METTL13: variants seen among roughly 807,000 people sequenced by gnomAD.
METTL13 encodes eEF1A lysine and N-terminal methyltransferase.
In METTL13, 52 loss-of-function variants were observed where a neutral mutation model predicts 67.4. That is an observed-to-expected ratio of 0.77 (90% CI 0.62 to 0.97). The LOEUF is 0.97. METTL13 is among the 50% of genes least tolerant of loss of function. METTL13 has a pLI of 0.00. For missense variants in METTL13, 825 were observed against 889.6 expected (o/e 0.93, Z 0.92); for synonymous variants, 354 against 353.6 (o/e 1.00, Z -0.01).
At chr1:171,786,162 A>C in intron 3 of METTL13, 84 bp downstream of exon 3, 1 of 1,397,088 alleles carries the variant, frequency 7.2e-7, no homozygotes, top group Non-Finnish European at 9.7e-7. Context: ...GGCAGGAGCT[A>C]GGACTAGAGT....
intron 4 of METTL13, 102 bp from the exon 5 acceptor site, chr1:171,790,350 G>A: frequency 7.8e-7 from 1 of 1,279,244 alleles, no homozygotes; most frequent in East Asian, 2.8e-5. Context: ...TTAACGATTG[G>A]GTCTTTTGAG....
intron 7 of METTL13, 55 bp downstream of exon 7, chr1:171,794,582 T>C (rs1657306484): frequency 6.8e-6 from 11 of 1,606,010 alleles, no homozygotes; most frequent in Non-Finnish European, 8.5e-6. Context: ...TAACAAAAAT[T>C]ATCTTTTTAA....
In METTL13 at chr1:171,794,454, A is replaced by G. The variant is rs770259925; in HGVS notation, c.1752A>G (p.Gly584=). The G allele has an allele frequency of 1.9e-6, 3 of 1,614,194 alleles. No individual in the cohort carries two copies. ...TTGACAGTAAGGACCCAACACTGGG[A>G]ATGAGTTGTCCGCCCCCAGCATTTG... is the stretch of plus-strand genomic sequence containing the variant. ...FDVDSKDPTL[G]MSCPPPAFVE... is the part of the protein sequence containing the mutation. The change falls in exon 7 of 8, where the codon GGA becomes GGG. Residue 584 remains glycine, a synonymous_variant. Transcript: ENST00000361735.
In METTL13 at chr1:171,790,476, G is replaced by A; in HGVS notation, c.1334G>A (p.Arg445Lys). 1 of 1,605,624 alleles carries A rather than the reference G, an allele frequency of 6.2e-7. No homozygotes were observed. Among genetic ancestry groups the A allele is most frequent in the South Asian group, 1.1e-5 (1 of 89,708 alleles). Reference protein sequence around the residue: ...HKAQKKRKKDRKKQRPADAED... With the variant: ...HKAQKKRKKDKKKQRPADAED... ...GCCCAGAAGAAGCGGAAAAAGGACA[G>A]GAAGAAGCAGCGGCCTGCTGATGCG... Residue 445 changes from arginine (R) to lysine (K), a missense_variant, in exon 5 of 8, where the codon AGG (arginine) becomes AAG (lysine). Transcript: ENST00000361735.
chr1:171,782,606 A>G (rs1656865781), intron 1 of METTL13, among the ~76,000 whole-genome samples: 1 of 151,504 alleles, frequency 6.6e-6, no homozygotes, highest in African/African-American at 2.4e-5. Context: ...CAGATAATAG[A>G]CCTCCCACCC....
rs1656820971 is a variant in METTL13 at position 171,781,688 on chromosome 1, C to G, written c.-280C>G. On this transcript the variant is annotated 5_prime_UTR_variant, in exon 1 of 8. It adds an upstream start codon to the 5' untranslated region. Transcript: ENST00000361735. ...CGGATATGGTTATGGGCTCGGAAAT[C>G]TAGTTCGGGAAAAGTGTGAGGGGCT... 1 of 1,017,226 alleles carries G rather than the reference C, an allele frequency of 9.8e-7. No homozygotes were observed. Among genetic ancestry groups the G allele is most frequent in the Non-Finnish European group, 1.3e-6 (1 of 790,050 alleles). The allele number at this position is 1,017,226 out of a possible 1,614,324, so 63.0% of individuals were successfully genotyped here.
At chr1:171,782,721 C>T (rs554801400) in intron 1 of METTL13, among the ~76,000 whole-genome samples, 2 of 152,246 alleles carry the variant, frequency 1.3e-5, no homozygotes, top group South Asian at 4.1e-4. Flanking sequence ...GCAGGTGTGA[C>T]TTTGTGTATG....
At position 171,784,266 on chromosome 1, in the gene METTL13, C is replaced by T. The variant is rs900449066; in HGVS notation, c.680C>T (p.Ala227Val). 1.2e-6 allele frequency: 2 copies of T among 1,613,768 alleles called. No individual in the cohort carries two copies. Among genetic ancestry groups the T allele is most frequent in the Admixed American group, 1.7e-5 (1 of 60,012 alleles). The change falls in exon 2 of 8, where the codon GCT becomes GTT. Residue 227 changes from alanine to valine, a missense_variant. By Grantham distance (64) the Ala-to-Val change is moderately conservative. Coordinates refer to ENST00000361735, the MANE Select transcript of METTL13 (RefSeq NM_015935.5). ...GSALQIFELC[A>V]QEQRKPVRLE... ...GCCCTTCAGATCTTTGAGCTGTGTG[C>T]TCAGGAGCAGCGCAAGCCTGTGCGG...
chr1:171,796,904 G>T lies in METTL13; in HGVS notation c.*148G>T. ...TACATGTGACCTCCAGCTTGGTGAG[G>T]TTGCCTGAAGATTAGGGAAAATAAA... On this transcript the variant is annotated 3_prime_UTR_variant, in exon 8 of 8. Transcript: ENST00000361735. 9.8e-7 allele frequency: 1 copy of T among 1,023,726 alleles called. No homozygotes were observed. The highest frequency in any genetic ancestry group is 1.4e-6 in the Non-Finnish European group (1 of 716,686). 63.4% of individuals were successfully genotyped at this position (1,023,726 alleles called of 1,614,324 possible).
chr1:171,791,480 A>G (rs6425417), intron 5 of METTL13, among the ~76,000 whole-genome samples: 81,706 of 151,930 alleles, frequency 0.54, 22,996 homozygotes, highest in African/African-American at 0.71. Context: ...CTTATAGTGA[A>G]GAAGTCTTTT....
At chr1:171,794,092 G>A (rs1322775452) in intron 6 of METTL13, among the ~76,000 whole-genome samples, 2 of 152,238 alleles carry the variant, frequency 1.3e-5, no homozygotes, top group Non-Finnish European at 2.9e-5. Context: ...AGCCACTGGT[G>A]TTGATAGACT....
At chr1:171,783,572 CAAGATAGAGT>C (rs534303430) in intron 1 of METTL13, among the ~76,000 whole-genome samples, 158 bp from the exon 2 acceptor site, 114 of 152,298 alleles carry the variant, frequency 7.5e-4, no homozygotes, top group Admixed American at 2.7e-3. Flanking sequence ...TGTGGTGTTT[CAAGATAGAGT>C]CTAGCATCAA....
Position 171,792,118 on chromosome 1 carries a change from G to C in METTL13, c.1576G>C (p.Asp526His). 1 of 1,613,890 alleles carries C rather than the reference G, an allele frequency of 6.2e-7. No individual in the cohort carries two copies. The highest frequency in any genetic ancestry group is 1.3e-5 in the African/African-American group (1 of 74,968). The change falls in exon 6 of 8, where the codon GAT (aspartate) becomes CAT (histidine). Residue 526 changes from aspartate (D) to histidine (H), a missense_variant. Coordinates refer to ENST00000361735, the MANE Select transcript of METTL13 (RefSeq NM_015935.5). ...GTCCTGCATTGATGCTGTGGAGATC[G>C]ATCCCTCCATGTTGGAAGTGGCCAC... is the stretch of plus-strand genomic sequence containing the variant. ...PKSCIDAVEI[D>H]PSMLEVATQW...
intron 7 of METTL13, among the ~76,000 whole-genome samples, chr1:171,795,681 A>G (rs1657345062): frequency 6.6e-6 from 1 of 152,126 alleles, no homozygotes; most frequent in African/African-American, 2.4e-5. Context: ...TATGTTAACA[A>G]CCCTCTAGGT....
chr1:171,781,674 A>G lies in METTL13; in HGVS notation c.-294A>G, dbSNP rs1438770183. 1.2e-6 allele frequency: 1 copy of G among 856,108 alleles called. No individual in the cohort carries two copies. The highest frequency in any genetic ancestry group is 1.5e-6 in the Non-Finnish European group (1 of 652,022). The allele number at this position is 856,108 out of a possible 1,614,324, so 53.0% of individuals were successfully genotyped here. The stretch of plus-strand genomic sequence containing the variant: ...CGAGGCTTCGCACCCGGATATGGTT[A>G]TGGGCTCGGAAATCTAGTTCGGGAA... On this transcript the variant is annotated 5_prime_UTR_variant, in exon 1 of 8. The change abolishes an upstream ATG in the 5' untranslated region. Coordinates refer to ENST00000361735, the MANE Select transcript of METTL13 (RefSeq NM_015935.5).
At position 171,796,796 on chromosome 1, in the gene METTL13, G is replaced by A. The variant is rs2029862910; in HGVS notation, c.*40G>A. On this transcript the variant is annotated 3_prime_UTR_variant, in exon 8 of 8. Coordinates refer to ENST00000361735, the MANE Select transcript of METTL13 (RefSeq NM_015935.5). ...CAGCCCTCCTGCCTAGACTGACCTT[G>A]GACTCCCAGCCTGCCAGAGAATGAA... The A allele has an allele frequency of 6.3e-7, 1 of 1,595,574 alleles. No individual in the cohort carries two copies. The highest frequency in any genetic ancestry group is 8.5e-7 in the Non-Finnish European group (1 of 1,169,934).
chr1:171,784,602 T>C (rs1167846911), intron 2 of METTL13, 103 bp downstream of exon 2: 2 of 1,351,134 alleles, frequency 1.5e-6, no homozygotes, highest in Non-Finnish European at 1.9e-6. Flanking sequence ...TTTGGTGGGA[T>C]TCTGGACTGT....
chr1:171,794,487 A>G lies in METTL13; in HGVS notation c.1785A>G (p.Gln595=), dbSNP rs61733150. 818 of 1,614,222 alleles carry G rather than the reference A, an allele frequency of 5.1e-4. 4 individuals carry two copies. In the African/African-American group the frequency reaches 9.4e-3, roughly 19 times the overall value. The change falls in exon 7 of 8, where the codon CAA becomes CAG. Residue 595 remains glutamine (Q), a synonymous_variant. Transcript: ENST00000361735. ...MSCPPPAFVE[Q]SFLQKVKSIL... is the part of the protein sequence containing the mutation. ...GTCCGCCCCCAGCATTTGTGGAGCAATCTTTTCTACAGAAGGTTAAAAGCA... is the reference window on the plus strand; with the variant it reads ...GTCCGCCCCCAGCATTTGTGGAGCAGTCTTTTCTACAGAAGGTTAAAAGCA...
intron 2 of METTL13, 139 bp from the exon 3 acceptor site, chr1:171,785,740 G>A (rs1656986085): frequency 1.2e-6 from 1 of 838,320 alleles, no homozygotes; most frequent in African/African-American, 1.7e-5. Context: ...GTGAACTAGA[G>A]AATTGTTAGC....
Sources: allele counts gnomAD v4.1 joint callset (sites outside exome capture counted in the v4.1 genomes callset), GRCh38; gene constraint gnomAD v4.1.1; transcripts MANE v1.5; gene names NCBI Gene and HGNC (gene_info 2026-07-23, HGNC 2026-07-21).